The following DLG2 variants were observed in gnomAD, a reference collection of about 807,000 sequenced individuals.
The protein encoded by DLG2 is discs large MAGUK scaffold protein 2.
In DLG2, 45 loss-of-function variants were observed where a neutral mutation model predicts 132.5. The observed-to-expected ratio is 0.34, with a 90% CI of 0.27 to 0.44. The LOEUF (loss-of-function observed/expected upper bound fraction) is 0.44. Among genes scored for constraint, DLG2 ranks in the 20% least tolerant of loss-of-function variants. DLG2 has a pLI of 1.00. For synonymous variants in DLG2, 424 were observed against 419.6 expected, an observed-to-expected ratio of 1.01 and a Z score of -0.13; for missense variants, 1,045 against 1,196.9, an observed-to-expected ratio of 0.87 and a Z score of 1.87.
At chr11:83,776,301 T>C (rs2094581845) in intron 18 of DLG2, among the ~76,000 whole-genome samples, 1 of 152,122 alleles carries the variant, frequency 6.6e-6, no homozygotes, top group Non-Finnish European at 1.5e-5. Context: ...CTCTACCTAT[T>C]CTGCCACCCC....
chr11:85,472,706 G>A (rs958074792), intron 3 of DLG2, among the ~76,000 whole-genome samples: 2 of 152,200 alleles, frequency 1.3e-5, no homozygotes, highest in Non-Finnish European at 1.5e-5. Flanking sequence ...CCGCCAAAAG[G>A]CAGGTGCCAA....
At chr11:84,397,451 C>T (rs763488631) in intron 7 of DLG2, among the ~76,000 whole-genome samples, 16 of 152,198 alleles carry the variant, frequency 1.1e-4, no homozygotes, top group Admixed American at 9.8e-4. Flanking sequence ...TATTTTGGCA[C>T]CATTCATTGC....
chr11:84,129,508 G>A (rs1395444398), intron 9 of DLG2, among the ~76,000 whole-genome samples: 1 of 152,032 alleles, frequency 6.6e-6, no homozygotes, highest in African/African-American at 2.4e-5. Flanking sequence ...ATTTTCAAAT[G>A]ATATATTCCA....
chr11:83,904,286 T>G (rs1231775034), intron 15 of DLG2, among the ~76,000 whole-genome samples: 1 of 152,212 alleles, frequency 6.6e-6, no homozygotes, highest in Non-Finnish European at 1.5e-5. Flanking sequence ...TTCCATTTAA[T>G]ATTTTTAGAC....
At chr11:84,132,400 T>C (rs1294307048) in intron 9 of DLG2, among the ~76,000 whole-genome samples, 1 of 151,898 alleles carries the variant, frequency 6.6e-6, no homozygotes, top group Admixed American at 6.6e-5. Flanking sequence ...ACAAGAAGCA[T>C]GATAAAATAA....
At chr11:84,119,436 G>A (rs1440420196) in intron 9 of DLG2, among the ~76,000 whole-genome samples, 1 of 150,898 alleles carries the variant, frequency 6.6e-6, no homozygotes, top group African/African-American at 2.4e-5. Flanking sequence ...ATATATATAT[G>A]AATTTCATAT....
At chr11:83,823,969 C>T (rs1045664821) in intron 17 of DLG2, among the ~76,000 whole-genome samples, 4 of 152,128 alleles carry the variant, frequency 2.6e-5, no homozygotes, top group Non-Finnish European at 2.9e-5. Flanking sequence ...AGGCCTGCAT[C>T]GCAGAAAGAG....
chr11:83,789,691 G>C (rs1041814135), intron 17 of DLG2, among the ~76,000 whole-genome samples: 1 of 152,108 alleles, frequency 6.6e-6, no homozygotes, highest in Admixed American at 6.5e-5. Flanking sequence ...GGGACTACAG[G>C]CACGTGCCAC....
At chr11:83,687,345 A>C (rs556976397) in intron 18 of DLG2, among the ~76,000 whole-genome samples, 2 of 152,298 alleles carry the variant, frequency 1.3e-5, no homozygotes, top group Admixed American at 6.5e-5. Context: ...CCCAGGTTTC[A>C]CAGCTAGAAA....
intron 3 of DLG2, among the ~76,000 whole-genome samples, chr11:85,540,107 A>AG (rs2075863117): frequency 1.3e-5 from 2 of 152,196 alleles, no homozygotes; most frequent in Admixed American, 6.5e-5. Context: ...GCAAAGCGGC[A>AG]GGGGGGTGGT....
chr11:83,733,240 C>CAA (rs71066061), intron 18 of DLG2, among the ~76,000 whole-genome samples: 1,033 of 44,370 alleles, frequency 0.023, 14 homozygotes, highest in East Asian at 0.034. Context: ...GACCCCATCT[C>CAA]AAAAAAAAAA....
chr11:85,117,930 G>A (rs995045589), intron 5 of DLG2, among the ~76,000 whole-genome samples: 1 of 151,966 alleles, frequency 6.6e-6, no homozygotes, highest in African/African-American at 2.4e-5. Context: ...CTGACATTAA[G>A]CCATTTTAAA....
At chr11:83,466,023 T>A (rs980869338) in intron 26 of DLG2, among the ~76,000 whole-genome samples, 2 of 152,194 alleles carry the variant, frequency 1.3e-5, no homozygotes, top group Non-Finnish European at 2.9e-5. Context: ...TGAAAGAAGT[T>A]ATTTCACAAG....
intron 7 of DLG2, among the ~76,000 whole-genome samples, chr11:84,357,416 G>A (rs1247853904): frequency 6.6e-6 from 1 of 151,934 alleles, no homozygotes; most frequent in Non-Finnish European, 1.5e-5. Flanking sequence ...CGCTGACCAG[G>A]TCATACCATC....
chr11:83,627,150 TTTTA>T (rs1463971102), intron 19 of DLG2, among the ~76,000 whole-genome samples: 4 of 152,070 alleles, frequency 2.6e-5, no homozygotes, highest in Non-Finnish European at 5.9e-5. Context: ...AAATTCACTA[TTTTA>T]TTTAATTCTC....
chr11:84,796,754 A>G (rs1349776730), intron 6 of DLG2, among the ~76,000 whole-genome samples: 1 of 152,016 alleles, frequency 6.6e-6, no homozygotes, highest in East Asian at 1.9e-4. Flanking sequence ...ATTGAAAAGT[A>G]TGTTACCAGA....
At chr11:85,543,728 T>C (rs1028102604) in intron 3 of DLG2, among the ~76,000 whole-genome samples, 5 of 152,256 alleles carry the variant, frequency 3.3e-5, no homozygotes, top group Non-Finnish European at 7.3e-5. Context: ...TACATTTCTC[T>C]AATGACCAGT....
intron 7 of DLG2, among the ~76,000 whole-genome samples, chr11:84,334,851 G>T (rs1387069121): frequency 1.3e-5 from 2 of 152,072 alleles, no homozygotes; most frequent in Non-Finnish European, 2.9e-5. Context: ...TTAGGGATGG[G>T]TTCCTTGAGA....
At chr11:84,522,475 A>C (rs1176743817) in intron 7 of DLG2, among the ~76,000 whole-genome samples, 1 of 152,182 alleles carries the variant, frequency 6.6e-6, no homozygotes, top group Non-Finnish European at 1.5e-5. Context: ...CCTGTGACCC[A>C]AAATTGGCCA....
Sources: allele counts gnomAD v4.1 joint callset (sites outside exome capture counted in the v4.1 genomes callset), GRCh38; gene constraint gnomAD v4.1.1; transcripts MANE v1.5; gene names NCBI Gene and HGNC (gene_info 2026-07-23, HGNC 2026-07-21).